The following FHOD3 variants were observed in gnomAD, a reference collection of about 807,000 sequenced individuals.
FHOD3 encodes formin homology 2 domain containing 3.
In FHOD3, 90 loss-of-function variants were observed where a neutral mutation model predicts 173.0. That is an observed-to-expected ratio of 0.52 (90% CI 0.44 to 0.62). The LOEUF (loss-of-function observed/expected upper bound fraction) is 0.62. FHOD3 is among the 20% of genes least tolerant of loss of function. FHOD3 has a pLI of 0.00. For missense variants in FHOD3, 1,945 were observed against 2,034.7 expected (o/e 0.96, Z 0.85); for synonymous variants, 828 against 823.0 (o/e 1.01, Z -0.10).
intron 5 of FHOD3, among the ~76,000 whole-genome samples, chr18:36,529,411 G>C (rs2056678945): frequency 6.6e-6 from 1 of 152,186 alleles, no homozygotes; most frequent in Non-Finnish European, 1.5e-5. Context: ...CCACAGAAGA[G>C]AGGCTTCATT....
At chr18:36,589,751 T>C (rs1035182722) in intron 6 of FHOD3, among the ~76,000 whole-genome samples, 4 of 152,180 alleles carry the variant, frequency 2.6e-5, no homozygotes, top group Non-Finnish European at 2.9e-5. Flanking sequence ...TTGGTTGTCT[T>C]GAGACCACTG....
chr18:36,402,618 C>T (rs35778995), intron 3 of FHOD3, among the ~76,000 whole-genome samples: 20,052 of 151,670 alleles, frequency 0.13, 1,705 homozygotes, highest in Middle Eastern at 0.33. Flanking sequence ...GCCAGGACTA[C>T]AGTCCATTTT....
At chr18:36,381,768 GT>G (rs2047803632) in intron 3 of FHOD3, among the ~76,000 whole-genome samples, 1 of 152,192 alleles carries the variant, frequency 6.6e-6, no homozygotes, top group Non-Finnish European at 1.5e-5. Flanking sequence ...GATTTGATTT[GT>G]TTACTTCAGA....
At chr18:36,617,943 A>G (rs1389885388) in intron 9 of FHOD3, among the ~76,000 whole-genome samples, 1 of 152,144 alleles carries the variant, frequency 6.6e-6, no homozygotes, top group Non-Finnish European at 1.5e-5. Context: ...GTATTTTAAA[A>G]TTCCTTAGCA....
At chr18:36,374,946 A>G (rs1197729621) in intron 3 of FHOD3, among the ~76,000 whole-genome samples, 1 of 152,270 alleles carries the variant, frequency 6.6e-6, no homozygotes, top group Non-Finnish European at 1.5e-5. Flanking sequence ...ATTTGGCCGT[A>G]TAAACTAACA....
chr18:36,311,795 G>A (rs1373494493), intron 1 of FHOD3, among the ~76,000 whole-genome samples: 2 of 152,154 alleles, frequency 1.3e-5, no homozygotes, highest in East Asian at 1.9e-4. Flanking sequence ...CTGCACCCAC[G>A]TGCCCTGCTG....
chr18:36,544,391 A>G (rs929015990), intron 5 of FHOD3, among the ~76,000 whole-genome samples: 2 of 152,194 alleles, frequency 1.3e-5, no homozygotes, highest in Non-Finnish European at 2.9e-5. Context: ...TTACCTGTCT[A>G]ATTGCCTCTG....
intron 2 of FHOD3, among the ~76,000 whole-genome samples, chr18:36,357,219 C>A (rs1479791506): frequency 3.3e-5 from 5 of 152,148 alleles, no homozygotes; most frequent in African/African-American, 4.8e-5. Context: ...CTGATGGCTT[C>A]CTGGGTTTCC....
At chr18:36,573,962 T>C (rs1233303848) in intron 5 of FHOD3, among the ~76,000 whole-genome samples, 1 of 152,186 alleles carries the variant, frequency 6.6e-6, no homozygotes, top group Non-Finnish European at 1.5e-5. Context: ...ACATACGTGC[T>C]CACCCACCCT....
intron 15 of FHOD3, 119 bp from the exon 16 acceptor site, chr18:36,687,009 C>A: frequency 1.5e-6 from 1 of 665,902 alleles, no homozygotes; most frequent in Non-Finnish European, 2.5e-6. Context: ...AACCATTTTA[C>A]ATTTCTGAGG....
chr18:36,628,099 T>A (rs994976019), intron 10 of FHOD3, among the ~76,000 whole-genome samples: 4 of 152,214 alleles, frequency 2.6e-5, no homozygotes, highest in Admixed American at 1.3e-4. Flanking sequence ...AAGGGGTTCA[T>A]ATTGTTCTAA....
At chr18:36,761,811 G>A (rs944801291) in intron 27 of FHOD3, among the ~76,000 whole-genome samples, 2 of 152,092 alleles carry the variant, frequency 1.3e-5, no homozygotes, top group Non-Finnish European at 2.9e-5. Context: ...CACACTATGC[G>A]TGCAGCTAGA....
chr18:36,717,698 A>T, intron 18 of FHOD3, 134 bp from the exon 19 acceptor site: 3 of 1,391,514 alleles, frequency 2.2e-6, no homozygotes, highest in Non-Finnish European at 2.8e-6. Context: ...CTTGTCAGCC[A>T]CGGCTTTGAC....
At chr18:36,751,980 TCA>T (rs1428519821) in intron 24 of FHOD3, among the ~76,000 whole-genome samples, 2 of 152,158 alleles carry the variant, frequency 1.3e-5, no homozygotes, top group Non-Finnish European at 2.9e-5. Context: ...GTTAATTGAC[TCA>T]CAGTTCTGCA....
intron 3 of FHOD3, among the ~76,000 whole-genome samples, chr18:36,474,364 G>A (rs2145226064): frequency 6.6e-6 from 1 of 152,330 alleles, no homozygotes; most frequent in Middle Eastern, 3.4e-3. Context: ...ATGGAAGGGA[G>A]AGAATAAGGA....
intron 3 of FHOD3, among the ~76,000 whole-genome samples, chr18:36,420,266 A>G (rs1194532849): frequency 1.3e-5 from 2 of 152,208 alleles, no homozygotes; most frequent in African/African-American, 4.8e-5. Context: ...AGTTGAGGGT[A>G]TAGTCTGTGG....
chr18:36,643,796 A>G (rs973040193), intron 10 of FHOD3, among the ~76,000 whole-genome samples: 7 of 152,116 alleles, frequency 4.6e-5, no homozygotes, highest in Non-Finnish European at 7.4e-5. Flanking sequence ...ATATTTTCAT[A>G]TATTCTTGAT....
chr18:36,437,682 T>TTTTTA (rs71168224), intron 3 of FHOD3, among the ~76,000 whole-genome samples: 35 of 129,656 alleles, frequency 2.7e-4, no homozygotes, highest in African/African-American at 9.5e-4. Context: ...TTTTTTTTTT[T>TTTTTA]AAGACAGAGT....
chr18:36,577,937 A>G (rs751522003), intron 6 of FHOD3, among the ~76,000 whole-genome samples: 1 of 152,218 alleles, frequency 6.6e-6, no homozygotes, highest in Non-Finnish European at 1.5e-5. Context: ...AGAAGTAGTG[A>G]AAGGGACCCT....
Sources: gnomAD v4.1 joint callset for allele counts (sites outside exome capture counted in the v4.1 genomes callset) on GRCh38, gnomAD v4.1.1 for gene constraint, MANE v1.5 for transcripts, NCBI Gene and HGNC (gene_info 2026-07-23, HGNC 2026-07-21) for gene names.